MCCC2: variants seen among roughly 807,000 people sequenced by gnomAD.
The protein encoded by MCCC2 is methylcrotonoyl-CoA carboxylase beta chain, mitochondrial.
In MCCC2, 52 loss-of-function variants were observed where a neutral mutation model predicts 77.2. That is an observed-to-expected ratio of 0.67 (90% CI 0.54 to 0.85). MCCC2 has a LOEUF of 0.85. Ranked by LOEUF, MCCC2 falls within the 40% of genes least tolerant of loss-of-function variation. MCCC2 has a pLI of 0.00. For missense variants in MCCC2, 682 were observed against 703.2 expected (o/e 0.97, Z 0.34); for synonymous variants, 253 against 248.4 (o/e 1.02, Z -0.18).
intron 6 of MCCC2, among the ~76,000 whole-genome samples, chr5:71,618,655 G>A (rs112394469): frequency 0.018 from 2,782 of 151,754 alleles, 84 homozygotes; most frequent in African/African-American, 0.063. Context: ...CAAAGCATTG[G>A]GATTATAAGC....
chr5:71,591,312 A>G (rs1224661176), intron 1 of MCCC2, among the ~76,000 whole-genome samples: 4 of 152,226 alleles, frequency 2.6e-5, no homozygotes, highest in Non-Finnish European at 5.9e-5. Context: ...CTGACCAAAC[A>G]AAATTTAAAA....
Position 71,635,221 on chromosome 5 carries a change from T to G in MCCC2, c.974T>G (p.Leu325Arg). The G allele has an allele frequency of 6.2e-7, 1 of 1,614,172 alleles. No individual in the cohort carries two copies. Among genetic ancestry groups the G allele is most frequent in the East Asian group, 2.2e-5 (1 of 44,876 alleles). Residue 325 changes from leucine to arginine, a missense_variant, in exon 10 of 17, where the codon CTT becomes CGT. By Grantham distance (102) the Leu-to-Arg change is moderately radical (BLOSUM62 -2). Coordinates refer to ENST00000340941, the MANE Select transcript of MCCC2 (RefSeq NM_022132.5). ...TTGTATGGAATAGTTGGTGCTAACC[T>G]TAAGAGGAGCTTTGATGTCCGAGAG... ...DELYGIVGAN[L>R]KRSFDVREVI...
chr5:71,642,883 G>A (rs1747165509), intron 11 of MCCC2, among the ~76,000 whole-genome samples: 1 of 152,094 alleles, frequency 6.6e-6, no homozygotes, highest in Non-Finnish European at 1.5e-5. Flanking sequence ...GGGGCCTATA[G>A]TCCCAGCTGC....
At chr5:71,612,519 G>T (rs1334212149) in intron 6 of MCCC2, among the ~76,000 whole-genome samples, 1 of 152,066 alleles carries the variant, frequency 6.6e-6, no homozygotes, top group Admixed American at 6.6e-5. Context: ...ATTTAATCTG[G>T]TATTATATTT....
chr5:71,626,802 A>G (rs1357091202), intron 7 of MCCC2, 49 bp downstream of exon 7: 4 of 1,442,972 alleles, frequency 2.8e-6, no homozygotes, highest in Non-Finnish European at 3.9e-6. Flanking sequence ...TGCAGAACAT[A>G]AAATACACCA....
rs1001720800 is a variant in MCCC2, at chr5:71,634,974, G to A, written c.835G>A (p.Asp279Asn). 2 of 1,613,968 alleles carry A rather than the reference G, an allele frequency of 1.2e-6. No homozygotes were observed. Among genetic ancestry groups the A allele is most frequent in the African/African-American group, 2.7e-5 (2 of 74,918 alleles). Residue 279 changes from aspartate to asparagine, a missense_variant, in exon 9 of 17, where the codon GAT becomes AAT. By Grantham distance (23) the Asp-to-Asn change is conservative. Coordinates refer to ENST00000340941, the MANE Select transcript of MCCC2 (RefSeq NM_022132.5). ...KSGVSDHWALDDHHALHLTRK... is the reference protein window; with the variant it reads ...KSGVSDHWALNDHHALHLTRK... ...TGGAGTAAGTGACCACTGGGCTTTGGATGATCATCATGCCCTTCACTTAAC... is the reference window on the plus strand; with the variant it reads ...TGGAGTAAGTGACCACTGGGCTTTGAATGATCATCATGCCCTTCACTTAAC...
chr5:71,633,285 T>G (rs895514322), intron 8 of MCCC2, among the ~76,000 whole-genome samples: 1 of 151,566 alleles, frequency 6.6e-6, no homozygotes, highest in African/African-American at 2.4e-5. Context: ...GCAGTTTGAC[T>G]ATTTAAAAAA....
At chr5:71,644,064 TGTGTGTGCGCGC>T (rs1561846300) in intron 12 of MCCC2, among the ~76,000 whole-genome samples, 169 bp downstream of exon 12, 3 of 139,688 alleles carry the variant, frequency 2.1e-5, no homozygotes, top group Non-Finnish European at 4.5e-5. Flanking sequence ...TGTGTGTGTG[TGTGTGTGCGCGC>T]GTGTGTATAT....
At chr5:71,656,626 A>G (rs958382921) in intron 16 of MCCC2, 117 bp from the exon 17 acceptor site, 4 of 807,334 alleles carry the variant, frequency 5.0e-6, no homozygotes, top group African/African-American at 1.7e-5. Context: ...CATGGATGCT[A>G]ATCAGTAGAT....
intron 4 of MCCC2, among the ~76,000 whole-genome samples, chr5:71,600,421 C>T (rs1429930921): frequency 1.3e-5 from 2 of 151,566 alleles, no homozygotes; most frequent in African/African-American, 2.4e-5. Context: ...TAGGCTAGCA[C>T]ATCATTATAA....
Position 71,635,223 on chromosome 5 carries a change from A to G in MCCC2, c.976A>G (p.Lys326Glu), listed in dbSNP as rs1240104424. The G allele has an allele frequency of 1.9e-6, 3 of 1,614,008 alleles. No homozygotes were observed. Among genetic ancestry groups the G allele is most frequent in the Non-Finnish European group, 2.5e-6 (3 of 1,179,986 alleles). ...ELYGIVGANL[K>E]RSFDVREVIA... ...GTATGGAATAGTTGGTGCTAACCTTAAGAGGAGCTTTGATGTCCGAGAGGT... is the reference window on the plus strand; with the variant it reads ...GTATGGAATAGTTGGTGCTAACCTTGAGAGGAGCTTTGATGTCCGAGAGGT... The change falls in exon 10 of 17, where the codon AAG (lysine) becomes GAG (glutamate). Residue 326 changes from lysine to glutamate, a missense_variant. By Grantham distance (56) the Lys-to-Glu change is moderately conservative. Coordinates refer to ENST00000340941, the MANE Select transcript of MCCC2 (RefSeq NM_022132.5).
Position 71,628,331 on chromosome 5 carries a change from T to C in MCCC2, c.738+1578T>C, listed in dbSNP as rs538877479. 3.9e-5 allele frequency among the ~76,000 whole-genome samples: 6 copies of C among 152,360 alleles called. No homozygotes were observed. The South Asian group carries it at 1.2e-3, about 32-fold the overall frequency. On this transcript the variant is annotated intron_variant, in intron 7 of 16. Transcript: ENST00000340941. Reference sequence around the variant, plus strand: ...TTTTTGCTCATTCTGTAGGTTGTCTTTTTTACTTTCTTAGTGATGTCTTCC... The same window carrying C: ...TTTTTGCTCATTCTGTAGGTTGTCTCTTTTACTTTCTTAGTGATGTCTTCC...
intron 3 of MCCC2, among the ~76,000 whole-genome samples, chr5:71,598,783 A>G (rs1256221343): frequency 6.8e-6 from 1 of 147,306 alleles, no homozygotes. Context: ...ACAGGGTCTC[A>G]TTCCATTGCC....
intron 7 of MCCC2, among the ~76,000 whole-genome samples, chr5:71,627,825 C>CT (rs530173993): frequency 0.036 from 5,217 of 143,348 alleles, 299 homozygotes; most frequent in African/African-American, 0.13. Flanking sequence ...GATGTTGAGG[C>CT]TTTTTTTTTT....
At chr5:71,640,947 T>C in intron 10 of MCCC2, 56 bp from the exon 11 acceptor site, 1 of 1,475,870 alleles carries the variant, frequency 6.8e-7, no homozygotes, top group South Asian at 1.1e-5. Flanking sequence ...GTAACTTTAA[T>C]ACAAAAATTC....
intron 16 of MCCC2, among the ~76,000 whole-genome samples, chr5:71,653,118 T>A (rs573815972): frequency 6.6e-6 from 1 of 152,348 alleles, no homozygotes. Flanking sequence ...GTTCTAATTT[T>A]TGCTTAAAAA....
intron 7 of MCCC2, 87 bp from the exon 8 acceptor site, chr5:71,632,034 A>C: frequency 9.0e-7 from 1 of 1,116,944 alleles, no homozygotes; most frequent in Non-Finnish European, 1.4e-6. Context: ...GTACAGGTAT[A>C]GTCAGGTGAG....
chr5:71,653,770 G>C (rs1486606989), intron 16 of MCCC2, among the ~76,000 whole-genome samples: 1 of 150,530 alleles, frequency 6.6e-6, no homozygotes. Context: ...CAGATCAGTT[G>C]AACCTGGGAG....
At chr5:71,648,611 A>C (rs1747338834) in intron 13 of MCCC2, among the ~76,000 whole-genome samples, 1 of 152,208 alleles carries the variant, frequency 6.6e-6, no homozygotes, top group Non-Finnish European at 1.5e-5. Flanking sequence ...CTTTGTCCTT[A>C]ACTAGCCATG....
Sources: allele counts gnomAD v4.1 joint callset (sites outside exome capture counted in the v4.1 genomes callset), GRCh38; gene constraint gnomAD v4.1.1; transcripts MANE v1.5; gene names NCBI Gene and HGNC (gene_info 2026-07-23, HGNC 2026-07-21).